Variants in VDAC1 observed in about 807,000 individuals in gnomAD.
The protein encoded by VDAC1 is voltage dependent anion channel 1.
In VDAC1, 10 loss-of-function variants were observed where a neutral mutation model predicts 34.7. The ratio of observed to expected loss-of-function variants is 0.29; its 90% CI spans 0.18 to 0.49. VDAC1 has a LOEUF of 0.49. Among genes scored for constraint, VDAC1 ranks in the 20% least tolerant of loss-of-function variants. The pLI is 0.99. For missense variants in VDAC1, 230 were observed against 347.9 expected (o/e 0.66, Z 2.69); for synonymous variants, 130 against 136.0 (o/e 0.96, Z 0.30).
chr5:134,086,538 C>T, the VDAC1 span, among the ~76,000 whole-genome samples: 2 of 152,196 alleles, frequency 1.3e-5, no homozygotes, highest in African/African-American at 2.4e-5. Context: ...TGGGCATGAA[C>T]GTGTAGATTC....
chr5:134,076,500 C>T, the VDAC1 span, among the ~76,000 whole-genome samples: 1 of 152,226 alleles, frequency 6.6e-6, no homozygotes, highest in Non-Finnish European at 1.5e-5. Flanking sequence ...GAGTCCTGTA[C>T]TGGCAAGGCT....
the VDAC1 span, among the ~76,000 whole-genome samples, chr5:134,066,646 G>A: frequency 1.3e-5 from 2 of 152,200 alleles, no homozygotes; most frequent in Non-Finnish European, 1.5e-5. Context: ...CAAAATTATC[G>A]GGGGCCCAGT....
At chr5:134,094,953 G>A in the VDAC1 span, among the ~76,000 whole-genome samples, 16 of 152,148 alleles carry the variant, frequency 1.1e-4, no homozygotes, top group African/African-American at 3.6e-4. Context: ...AGTTTCCCAC[G>A]TACATGCTGC....
chr5:133,993,378 T>C (rs1425491374), intron 1 of VDAC1, among the ~76,000 whole-genome samples: 1 of 152,254 alleles, frequency 6.6e-6, no homozygotes, highest in African/African-American at 2.4e-5. Flanking sequence ...TACTGAATTG[T>C]AGGACTGTTG....
chr5:134,068,411 CTTT>C, the VDAC1 span, among the ~76,000 whole-genome samples: 2 of 136,920 alleles, frequency 1.5e-5, no homozygotes. Flanking sequence ...TTTCTCAGTG[CTTT>C]TTTTTTTTTT....
At chr5:134,070,739 G>T in the VDAC1 span, among the ~76,000 whole-genome samples, 1 of 152,236 alleles carries the variant, frequency 6.6e-6, no homozygotes, top group East Asian at 1.9e-4. Context: ...TGTCTGGCCG[G>T]TGGTAAACTA....
chr5:134,106,412 C>CTATATTT, the VDAC1 span, among the ~76,000 whole-genome samples: 10 of 149,924 alleles, frequency 6.7e-5, no homozygotes. Context: ...TGTTGTCATC[C>CTATATTT]TCTTTTTTTT....
the VDAC1 span, among the ~76,000 whole-genome samples, chr5:134,032,721 G>A: frequency 6.6e-6 from 1 of 152,164 alleles, no homozygotes; most frequent in Non-Finnish European, 1.5e-5. Flanking sequence ...TCCTTTTCAT[G>A]TAAGAAAGAA....
chr5:134,054,458 C>CTT, the VDAC1 span, among the ~76,000 whole-genome samples: 20,234 of 123,376 alleles, frequency 0.16, 2,515 homozygotes, highest in African/African-American at 0.35. Context: ...TCCTTCCTTC[C>CTT]TTTTTTTTTT....
chr5:134,092,437 C>A, the VDAC1 span, among the ~76,000 whole-genome samples: 4 of 152,114 alleles, frequency 2.6e-5, no homozygotes, highest in African/African-American at 7.2e-5. Flanking sequence ...CACAGGCCAG[C>A]CTTGAAAGAA....
the VDAC1 span, among the ~76,000 whole-genome samples, chr5:134,054,360 C>A: frequency 1.3e-5 from 2 of 152,138 alleles, no homozygotes; most frequent in African/African-American, 4.8e-5. Context: ...TAGTTCATTT[C>A]ACCCTGGCAA....
At chr5:134,006,531 C>T (rs187568562), upstream of VDAC1, among the ~76,000 whole-genome samples, 6 of 152,114 alleles carry the variant, frequency 3.9e-5, no homozygotes, top group Non-Finnish European at 7.4e-5. Context: ...TCACTTGAGG[C>T]CAGGACTTCG....
chr5:134,037,958 T>C, the VDAC1 span, among the ~76,000 whole-genome samples: 3 of 152,222 alleles, frequency 2.0e-5, no homozygotes, highest in Non-Finnish European at 4.4e-5. Context: ...CATAACTCTG[T>C]AATATCATTG....
the VDAC1 span, among the ~76,000 whole-genome samples, chr5:134,029,057 C>A: frequency 2.6e-5 from 4 of 152,158 alleles, no homozygotes; most frequent in African/African-American, 9.7e-5. Flanking sequence ...TCTGGTTTGT[C>A]TAGGACAGTT....
intron 1 of VDAC1, among the ~76,000 whole-genome samples, chr5:133,995,432 A>C (rs1446937817): frequency 3.3e-5 from 5 of 152,118 alleles, no homozygotes. Flanking sequence ...AATGAAGCAT[A>C]ATCTCCCCCG....
At chr5:134,078,257 CACAG>C in the VDAC1 span, among the ~76,000 whole-genome samples, 1 of 152,110 alleles carries the variant, frequency 6.6e-6, no homozygotes, top group African/African-American at 2.4e-5. Context: ...GAGCTGCACA[CACAG>C]ACAGAGGAGG....
chr5:134,062,938 A>G, the VDAC1 span, among the ~76,000 whole-genome samples: 1 of 146,102 alleles, frequency 6.8e-6, no homozygotes, highest in Non-Finnish European at 1.6e-5. Context: ...GAATTTTCTG[A>G]AACAGTTTAA....
intron 5 of VDAC1, 40 bp downstream of exon 5, chr5:133,990,815 C>T: frequency 6.6e-7 from 1 of 1,515,094 alleles, no homozygotes; most frequent in Non-Finnish European, 8.8e-7. Flanking sequence ...CCTGCAACAT[C>T]AGAGAACATC....
chr5:134,045,366 T>G, the VDAC1 span, among the ~76,000 whole-genome samples: 1 of 152,142 alleles, frequency 6.6e-6, no homozygotes, highest in Non-Finnish European at 1.5e-5. Flanking sequence ...AACAGCAAAA[T>G]GTCTTCTATT....
Sources: allele counts gnomAD v4.1 joint callset (sites outside exome capture counted in the v4.1 genomes callset), GRCh38; gene constraint gnomAD v4.1.1; transcripts MANE v1.5; gene names NCBI Gene and HGNC (gene_info 2026-07-23, HGNC 2026-07-21).